CAMK1: variants seen among roughly 807,000 people sequenced by gnomAD.
CAMK1 encodes calcium/calmodulin-dependent protein kinase type 1.
In CAMK1, 39 loss-of-function variants were observed where a neutral mutation model predicts 49.1. The ratio of observed to expected loss-of-function variants is 0.79; its 90% CI spans 0.62 to 1.04. The LOEUF is 1.04. Among genes scored for constraint, CAMK1 ranks in the 50% least tolerant of loss-of-function variants. CAMK1 has a pLI of 0.00. For missense variants in CAMK1, 457 were observed against 472.2 expected (o/e 0.97, Z 0.30); for synonymous variants, 192 against 185.2 (o/e 1.04, Z -0.30).
intron 8 of CAMK1, chr3:9,760,433 T>C: frequency 2.0e-6 from 1 of 492,986 alleles, no homozygotes. Context: ...AGACTATGTT[T>C]GAAGATTGAA....
chr3:9,759,464 C>T (rs558795108), intron 10 of CAMK1, 24 bp downstream of exon 10: 1 of 1,614,098 alleles, frequency 6.2e-7, no homozygotes, highest in South Asian at 1.1e-5. Flanking sequence ...GAGGCTGGGA[C>T]CAGAACTAGG....
intron 8 of CAMK1, chr3:9,760,253 G>GA (rs58204599): frequency 0.029 from 4,080 of 140,284 alleles, 1 homozygote; most frequent in South Asian, 0.089. Flanking sequence ...AAAAAAGAAA[G>GA]AAAAAAAAAA....
At chr3:9,760,954 G>T in intron 7 of CAMK1, 186 bp from the exon 8 acceptor site, 3 of 844,076 alleles carry the variant, frequency 3.6e-6, no homozygotes, top group Non-Finnish European at 3.5e-6. Flanking sequence ...TGTATGTGCC[G>T]CCATCTTGCC....
intron 1 of CAMK1, 50 bp from the exon 2 acceptor site, chr3:9,767,831 T>G: frequency 2.5e-6 from 4 of 1,575,144 alleles, no homozygotes; most frequent in Non-Finnish European, 3.5e-6. Context: ...GCCCTCTGTC[T>G]GGGAATTTAC....
In CAMK1 at chr3:9,761,735, C is replaced by T. The variant is rs764052828; in HGVS notation, c.452G>A (p.Ser151Asn). ...DLKPENLLYYSLDEDSKIMIS... is the reference protein window; with the variant it reads ...DLKPENLLYYNLDEDSKIMIS... ...CATGATTTTGGAGTCTTCATCCAGG[C>T]TGTAGTACAGCAGATTCTCTGGCTT... Residue 151 changes from serine (S) to asparagine (N), a missense_variant, in exon 6 of 12, where the codon AGC (serine) becomes AAC (asparagine). Transcript: ENST00000256460. 9 of 1,614,054 alleles carry T rather than the reference C, an allele frequency of 5.6e-6. No individual in the cohort carries two copies. In the South Asian group the frequency reaches 9.9e-5, roughly 18 times the overall value.
chr3:9,764,831 C>A (rs889345938), intron 3 of CAMK1, among the ~76,000 whole-genome samples: 5 of 151,798 alleles, frequency 3.3e-5, no homozygotes, highest in Admixed American at 2.0e-4. Flanking sequence ...AGGGTTTCTC[C>A]GTGTTGGTCA....
In CAMK1 at chr3:9,767,758, G is replaced by GC. The variant is rs753329780; in HGVS notation, c.-10dup. The stretch of plus-strand genomic sequence containing the variant: ...TCCACTGCCCCCAGCATGGCCCACT[G>GC]CCCCCCGACCACAGCCAGGGCTCCT... On this transcript the variant is annotated 5_prime_UTR_variant, in exon 2 of 12. Coordinates refer to ENST00000256460, the MANE Select transcript of CAMK1 (RefSeq NM_003656.5). 6 of 1,613,622 alleles carry GC rather than the reference G, an allele frequency of 3.7e-6. No homozygotes were observed. Among genetic ancestry groups the GC allele is most frequent in the East Asian group, 2.2e-5 (1 of 44,886 alleles).
In CAMK1 at chr3:9,765,837, A is replaced by G; in HGVS notation, c.137T>C (p.Val46Ala). The change falls in exon 3 of 12, where the codon GTG (valine) becomes GCG (alanine). Residue 46 changes from valine (V) to alanine (A), a missense_variant. Transcript: ENST00000256460. ...CTCCTTGGCAATGCATTTGATGGCC[A>G]CCAGCTTCTGCGTCCTCTTATCTTC... Reference protein sequence around the residue: ...LAEDKRTQKLVAIKCIAKEAL... With the variant: ...LAEDKRTQKLAAIKCIAKEAL... The G allele has an allele frequency of 6.2e-7, 1 of 1,613,970 alleles. No homozygotes were observed. Among genetic ancestry groups the G allele is most frequent in the East Asian group, 2.2e-5 (1 of 44,888 alleles).
At position 9,767,521 on chromosome 3, in the gene CAMK1, A is replaced by G. The variant is rs549800350; in HGVS notation, c.83+146T>C. The G allele has an allele frequency of 2.8e-5, 27 of 970,998 alleles. No individual in the cohort carries two copies. The East Asian group carries it at 6.6e-4, about 24-fold the overall frequency. The allele number at this position is 970,998 out of a possible 1,614,324, so 60.1% of individuals were successfully genotyped here. Reference sequence around the variant, plus strand: ...TCCCACCCACTGTCATCCAGAAGTGAAAAGCTGGGGACAGTTTAGGCCCTA... The same window carrying G: ...TCCCACCCACTGTCATCCAGAAGTGGAAAGCTGGGGACAGTTTAGGCCCTA... On this transcript the variant is annotated intron_variant, in intron 2 of 11. Coordinates refer to ENST00000256460, the MANE Select transcript of CAMK1 (RefSeq NM_003656.5).
chr3:9,763,203 G>A lies in CAMK1; in HGVS notation c.226C>T (p.Pro76Ser), dbSNP rs757766232. 2 of 1,613,876 alleles carry A rather than the reference G, an allele frequency of 1.2e-6. No homozygotes were observed. Among genetic ancestry groups the A allele is most frequent in the East Asian group, 4.5e-5 (2 of 44,872 alleles). The part of the protein sequence containing the change: ...EIAVLHKIKH[P>S]NIVALDDIYE... ...ATGTCATCCAGGGCTACAATGTTGG[G>A]GTGCTTGATCCTGAAAGGAGAAATG... The change falls in exon 4 of 12, where the codon CCC becomes TCC. Residue 76 changes from proline (P) to serine (S), a missense_variant. Coordinates refer to ENST00000256460, the MANE Select transcript of CAMK1 (RefSeq NM_003656.5).
intron 7 of CAMK1, 133 bp from the exon 8 acceptor site, chr3:9,760,901 G>T: frequency 7.6e-7 from 1 of 1,321,298 alleles, no homozygotes; most frequent in Non-Finnish European, 1.0e-6. Flanking sequence ...TACCAGCCCT[G>T]CCTGCTCACT....
At chr3:9,762,167 A>G (rs994660473) in intron 5 of CAMK1, 2 of 166,082 alleles carry the variant, frequency 1.2e-5, no homozygotes, top group Non-Finnish European at 2.6e-5. Flanking sequence ...GTTAGGCAGT[A>G]GCAGAGCCAG....
Position 9,761,463 on chromosome 3 carries a change from G to C in CAMK1, c.630C>G (p.Ile210Met), listed in dbSNP as rs1465543720. 2 of 1,610,754 alleles carry C rather than the reference G, an allele frequency of 1.2e-6. No individual in the cohort carries two copies. The highest frequency in any genetic ancestry group is 2.7e-5 in the African/African-American group (2 of 74,828). ...DCWSIGVIAY[I>M]LLCGYPPFYD... ...TACCATGGCCAAGCCCCACTTACAA[G>C]ATGTAGGCGATGACACCTATGGACC... Residue 210 changes from isoleucine (I) to methionine (M), a missense_variant and splice_region_variant, in exon 7 of 12, where the codon ATC becomes ATG. Coordinates refer to ENST00000256460, the MANE Select transcript of CAMK1 (RefSeq NM_003656.5).
At chr3:9,758,040 G>A in intron 10 of CAMK1, 194 bp from the exon 11 acceptor site, 5 of 756,650 alleles carry the variant, frequency 6.6e-6, no homozygotes, top group Non-Finnish European at 1.0e-5. Context: ...ACGCACATAT[G>A]TTAGATGTAT....
Position 9,757,544 on chromosome 3 carries a change from G to C in CAMK1, c.1108C>G (p.Leu370Val). 1 of 1,613,252 alleles carries C rather than the reference G, an allele frequency of 6.2e-7. No homozygotes were observed. Among genetic ancestry groups the C allele is most frequent in the Non-Finnish European group, 8.5e-7 (1 of 1,179,346 alleles). ...TELSPTLPHQ[L>V] ...ATGACCCGAGGTCCAGGGCCCTAGA[G>C]CTGGTGGGGCAGTGTGGGGGACAGT... Residue 370 changes from leucine (L) to valine (V), a missense_variant, in exon 12 of 12, where the codon CTC becomes GTC. Physicochemically the swap from Leu to Val is conservative, Grantham distance 32. Coordinates refer to ENST00000256460, the MANE Select transcript of CAMK1 (RefSeq NM_003656.5). The surrounding 1 kb of genome is among the most constrained non-coding windows in gnomAD (Gnocchi z 4.5).
chr3:9,761,669 C>CT lies in CAMK1; in HGVS notation c.517dup (p.Ser173LysfsTer16). 1 of 1,614,204 alleles carries CT rather than the reference C, an allele frequency of 6.2e-7. No individual in the cohort carries two copies. The highest frequency in any genetic ancestry group is 8.5e-7 in the Non-Finnish European group (1 of 1,180,034). On this transcript the variant is annotated frameshift_variant, in exon 6 of 12. Transcript: ENST00000256460. LOFTEE classifies it high-confidence loss of function. The stretch of plus-strand genomic sequence containing the variant: ...AGTTCCACAGGCGGTGGAGAGCACA[C>CT]TGCCCGGGTCCTCCATCTTGGAGAG...
intron 1 of CAMK1, among the ~76,000 whole-genome samples, chr3:9,768,436 C>T (rs1364785321): frequency 2.0e-5 from 3 of 152,246 alleles, no homozygotes; most frequent in Non-Finnish European, 4.4e-5. Flanking sequence ...CCATCTAACC[C>T]TATCCAGCCT....
In CAMK1 at chr3:9,762,925, G is replaced by A. The variant is rs775086900; in HGVS notation, c.418C>T (p.Arg140Trp). The stretch of plus-strand genomic sequence containing the variant: ...CCCTTGAGCCCCACCTTGAGATCCC[G>A]GTGTACAATGCCCAGGTCATGCAGG... ...KYLHDLGIVH[R>W]DLKPENLLYY... Residue 140 changes from arginine to tryptophan, a missense_variant, in exon 5 of 12, where the codon CGG (arginine) becomes TGG (tryptophan). Arg to Trp is a moderately radical substitution (Grantham distance 101). Transcript: ENST00000256460. 9 of 1,613,946 alleles carry A rather than the reference G, an allele frequency of 5.6e-6. No individual in the cohort carries two copies. The highest frequency in any genetic ancestry group is 4.5e-5 in the East Asian group (2 of 44,892).
intron 2 of CAMK1, among the ~76,000 whole-genome samples, 159 bp downstream of exon 2, chr3:9,767,508 T>C (rs1277010122): frequency 1.3e-5 from 2 of 152,204 alleles, no homozygotes; most frequent in Non-Finnish European, 2.9e-5. Context: ...CCACCCACTG[T>C]CATCCAGAAG....
Sources: gnomAD v4.1 joint callset for allele counts (sites outside exome capture counted in the v4.1 genomes callset) on GRCh38, gnomAD v4.1.1 for gene constraint, Gnocchi (gnomAD v3.1) non-coding constraint, MANE v1.5 for transcripts, NCBI Gene and HGNC (gene_info 2026-07-23, HGNC 2026-07-21) for gene names.